Variants in CLYBL observed in about 807,000 individuals in gnomAD.
The protein encoded by CLYBL is citramalyl-CoA lyase, mitochondrial.
In CLYBL, 31 loss-of-function variants were observed where a neutral mutation model predicts 38.9. The ratio of observed to expected loss-of-function variants is 0.80; its 90% confidence interval spans 0.60 to 1.08. The LOEUF (loss-of-function observed/expected upper bound fraction) is 1.08, where lower values mean the gene tolerates loss of function less well. Among genes scored for constraint, CLYBL ranks in the 50% least tolerant of loss-of-function variants. The probability of loss-of-function intolerance (pLI) is 0.00; values close to 1 mark genes in which losing one functional copy is unlikely to be tolerated. For missense variants in CLYBL, 434 were observed against 411.6 expected (o/e 1.05, Z -0.47); for synonymous variants, 171 against 158.6 (o/e 1.08, Z -0.59).
At chr13:99,745,300 C>T (rs2048829677) in intron 1 of CLYBL, among the ~76,000 whole-genome samples, 2 of 152,004 alleles carry the variant, frequency 1.3e-5, no homozygotes, top group Admixed American at 1.3e-4. Flanking sequence ...TTTGTATTTA[C>T]AAGAAAAGTG....
intron 1 of CLYBL, among the ~76,000 whole-genome samples, chr13:99,767,953 CTTAT>C (rs1276330598): frequency 6.6e-6 from 1 of 152,082 alleles, no homozygotes; most frequent in Non-Finnish European, 1.5e-5. Flanking sequence ...TTTCTGTTGA[CTTAT>C]TTTTCTTCCT....
Position 99,827,433 on chromosome 13 carries a change from T to C in CLYBL, c.250-31428T>C, listed in dbSNP as rs545962241. Among the ~76,000 whole-genome samples, 4 of 152,240 alleles carry C rather than the reference T, an allele frequency of 2.6e-5. No individual in the cohort carries two copies. In the South Asian group the frequency reaches 8.3e-4, roughly 32 times the overall value. On this transcript the variant is annotated intron_variant, in intron 2 of 8. Coordinates refer to ENST00000339105, the MANE Select transcript of CLYBL (RefSeq NM_206808.5). Reference sequence around the variant, plus strand: ...TGAGCGTGGTCTTGTTGATGAGGAATGTAGTCACAGTCACACAAAAAAGTC... The same window carrying C: ...TGAGCGTGGTCTTGTTGATGAGGAACGTAGTCACAGTCACACAAAAAAGTC...
intron 1 of CLYBL, among the ~76,000 whole-genome samples, chr13:99,619,489 G>T (rs2046762940): frequency 6.6e-6 from 1 of 152,150 alleles, no homozygotes; most frequent in African/African-American, 2.4e-5. Flanking sequence ...TCTACTTTTA[G>T]GAAAATATTT....
chr13:99,629,865 C>G (rs1174770323), intron 1 of CLYBL, among the ~76,000 whole-genome samples: 1 of 152,148 alleles, frequency 6.6e-6, no homozygotes, highest in Non-Finnish European at 1.5e-5. Flanking sequence ...AGATGTTGTG[C>G]TTACCCTCTT....
intron 1 of CLYBL, among the ~76,000 whole-genome samples, chr13:99,668,398 A>G (rs1336029408): frequency 6.6e-6 from 1 of 152,196 alleles, no homozygotes; most frequent in African/African-American, 2.4e-5. Flanking sequence ...CAGCCTGACC[A>G]ACATGGTGAA....
intron 2 of CLYBL, among the ~76,000 whole-genome samples, chr13:99,838,171 A>G (rs1024430385): frequency 6.6e-6 from 1 of 152,198 alleles, no homozygotes; most frequent in Non-Finnish European, 1.5e-5. Context: ...TTTTATCAAA[A>G]ATGACAAAGA....
intron 1 of CLYBL, among the ~76,000 whole-genome samples, chr13:99,763,152 C>T (rs1033625029): frequency 3.3e-5 from 5 of 151,920 alleles, no homozygotes; most frequent in Non-Finnish European, 5.9e-5. Context: ...GTTTGGATAC[C>T]CTTTATTTTT....
At chr13:99,723,440 A>G (rs1267133041) in intron 1 of CLYBL, among the ~76,000 whole-genome samples, 1 of 152,250 alleles carries the variant, frequency 6.6e-6, no homozygotes, top group Non-Finnish European at 1.5e-5. Flanking sequence ...AAATGTTTAC[A>G]AACAGTATCT....
intron 1 of CLYBL, among the ~76,000 whole-genome samples, chr13:99,752,648 G>A (rs768273884): frequency 6.6e-6 from 1 of 152,042 alleles, no homozygotes; most frequent in African/African-American, 2.4e-5. Flanking sequence ...CTGCGCTGCT[G>A]TCTTCCCTCC....
chr13:99,845,199 C>T (rs371511328), intron 2 of CLYBL, among the ~76,000 whole-genome samples: 10 of 152,088 alleles, frequency 6.6e-5, no homozygotes, highest in Non-Finnish European at 1.0e-4. Context: ...TTTTGACGCA[C>T]GGTTTAGAGA....
chr13:99,668,739 G>T (rs1179131141), intron 1 of CLYBL, among the ~76,000 whole-genome samples: 2 of 152,174 alleles, frequency 1.3e-5, no homozygotes, highest in Non-Finnish European at 1.5e-5. Context: ...AGCAACCCCA[G>T]CCTGCCGGGC....
At position 99,735,322 on chromosome 13, in the gene CLYBL, C is replaced by T. The variant is rs1441268834; in HGVS notation, c.63-37502C>T. Among the ~76,000 whole-genome samples the T allele has an allele frequency of 3.3e-5, 5 of 152,030 alleles. No individual in the cohort carries two copies. The East Asian group carries it at 5.8e-4, about 18-fold the overall frequency. ...CATCCTCCCGCCTCAGCCTCCTGAG[C>T]AGTTAGGACCACAGGCGGGCACCAT... On this transcript the variant is annotated intron_variant, in intron 1 of 8. Transcript: ENST00000339105.
intron 2 of CLYBL, among the ~76,000 whole-genome samples, chr13:99,844,231 G>C (rs2051148722): frequency 6.6e-6 from 1 of 152,180 alleles, no homozygotes; most frequent in East Asian, 1.9e-4. Context: ...TGGGAGTTCT[G>C]CCTCACCTCA....
chr13:99,769,289 C>G (rs1233491162), intron 1 of CLYBL, among the ~76,000 whole-genome samples: 1 of 152,106 alleles, frequency 6.6e-6, no homozygotes, highest in African/African-American at 2.4e-5. Context: ...CCAAGCCTTC[C>G]CCGAGAAGTT....
At chr13:99,655,137 G>A (rs1272318794) in intron 1 of CLYBL, among the ~76,000 whole-genome samples, 3 of 150,264 alleles carry the variant, frequency 2.0e-5, no homozygotes, top group African/African-American at 7.4e-5. Context: ...GTGCAGTGGC[G>A]TGATCTCGGC....
At chr13:99,702,632 C>CAA (rs60185334) in intron 1 of CLYBL, among the ~76,000 whole-genome samples, 112 of 68,336 alleles carry the variant, frequency 1.6e-3, no homozygotes, top group African/African-American at 4.9e-3. Context: ...AATTCCGTCT[C>CAA]AAAAAAAAAA....
intron 1 of CLYBL, among the ~76,000 whole-genome samples, chr13:99,633,093 T>C (rs1403757842): frequency 6.8e-6 from 1 of 147,156 alleles, no homozygotes; most frequent in African/African-American, 2.5e-5. Context: ...ATACAAAAAT[T>C]AGCCAGGTGT....
chr13:99,890,162 T>C (rs2052452410), intron 7 of CLYBL, among the ~76,000 whole-genome samples: 1 of 152,208 alleles, frequency 6.6e-6, no homozygotes, highest in Non-Finnish European at 1.5e-5. Flanking sequence ...CTTGTCTTCT[T>C]AATGTGGGGA....
Position 99,729,899 on chromosome 13 carries a change from C to T in CLYBL, c.63-42925C>T, listed in dbSNP as rs1282840097. On this transcript the variant is annotated intron_variant, in intron 1 of 8. Coordinates refer to ENST00000339105, the MANE Select transcript of CLYBL (RefSeq NM_206808.5). ...CGCTTCAGTGTGGCTGGTGCCTCCA[C>T]CACCATTGGTACTGTGTCAGCATTG... Among the ~76,000 whole-genome samples, 9 of 152,120 alleles carry T rather than the reference C, an allele frequency of 5.9e-5. No individual in the cohort carries two copies. The East Asian group carries it at 1.3e-3, about 23-fold the overall frequency.
Sources: gnomAD v4.1 joint callset for allele counts (sites outside exome capture counted in the v4.1 genomes callset) on GRCh38, gnomAD v4.1.1 for gene constraint, MANE v1.5 for transcripts, NCBI Gene and HGNC (gene_info 2026-07-23, HGNC 2026-07-21) for gene names.